The following G6PC2 variants were observed in gnomAD, a reference collection of about 807,000 sequenced individuals.
G6PC2 encodes the protein glucose-6-phosphatase 2.
A neutral mutation model predicts 35.4 loss-of-function variants in G6PC2; 41 were observed. The ratio of observed to expected loss-of-function variants is 1.16; its 90% CI spans 0.90 to 1.50. The LOEUF (loss-of-function observed/expected upper bound fraction) is 1.50. Among genes scored for constraint, G6PC2 ranks in the 40% most tolerant of loss-of-function variants. The pLI is 0.00. For missense variants in G6PC2, 441 were observed against 426.5 expected (o/e 1.03, Z -0.30); for synonymous variants, 165 against 153.2 (o/e 1.08, Z -0.57).
chr2:168,902,899 G>A (rs1690630168), intron 2 of G6PC2: 1 of 320,828 alleles, frequency 3.1e-6, no homozygotes, highest in Non-Finnish European at 5.9e-6. Context: ...TAGAAATGTT[G>A]GTTAATCTGC....
chr2:168,901,644 C>G, intron 1 of G6PC2, 95 bp downstream of exon 1: 1 of 713,656 alleles, frequency 1.4e-6, no homozygotes, highest in East Asian at 2.7e-5. Flanking sequence ...TATCGTTTTA[C>G]TTGGAAAATC....
At position 168,904,557 on chromosome 2, in the gene G6PC2, A is replaced by G; in HGVS notation, c.381A>G (p.Val127=). Residue 127 remains valine (V), a synonymous_variant, in exon 3 of 5, where the codon GTA becomes GTG. Coordinates refer to ENST00000375363, the MANE Select transcript of G6PC2 (RefSeq NM_021176.3). ...MGASCVWYVM[V]TAALSHTVCG... ...CATCCTGTGTCTGGTATGTCATGGT[A>G]ACCGCTGCCCTGAGCCACACTGTCT... 6.2e-7 allele frequency: 1 copy of G among 1,611,678 alleles called. No homozygotes were observed. Among genetic ancestry groups the G allele is most frequent in the Non-Finnish European group, 8.5e-7 (1 of 1,177,784 alleles).
At chr2:168,902,694 C>A in intron 2 of G6PC2, 140 bp downstream of exon 2, 2 of 662,892 alleles carry the variant, frequency 3.0e-6, no homozygotes, top group Non-Finnish European at 5.5e-6. Context: ...TCATAACAAT[C>A]AAAATTACTA....
chr2:168,909,849 A>G lies in G6PC2; in HGVS notation c.*1770A>G, dbSNP rs1201164929. 2 of 152,248 alleles carry G rather than the reference A, an allele frequency of 1.3e-5. No homozygotes were observed. The highest frequency in any genetic ancestry group is 1.9e-4 in the East Asian group (1 of 5,206). 9.4% of individuals were successfully genotyped at this position (152,248 alleles called of 1,614,324 possible). A position where few individuals can be genotyped will look rare whatever the true frequency, so the allele number is the denominator to read the frequency against. Reference sequence around the variant, plus strand: ...TTGTTTAACATGATAGTAGCTGAGGATAACAAACCTCAAAAAATCAAAGTA... The same window carrying G: ...TTGTTTAACATGATAGTAGCTGAGGGTAACAAACCTCAAAAAATCAAAGTA... On this transcript the variant is annotated 3_prime_UTR_variant, in exon 5 of 5. Transcript: ENST00000375363.
At chr2:168,907,504 A>G (rs1690737866) in intron 4 of G6PC2, 64 bp from the exon 5 acceptor site, 2 of 1,467,616 alleles carry the variant, frequency 1.4e-6, no homozygotes, top group Admixed American at 1.7e-5. Context: ...TAATGCAGAG[A>G]GGAATGATCC....
intron 3 of G6PC2, 138 bp from the exon 4 acceptor site, chr2:168,906,526 A>G (rs1167031811): frequency 4.4e-6 from 3 of 679,664 alleles, no homozygotes; most frequent in Non-Finnish European, 8.0e-6. Context: ...AACATTTTGA[A>G]AAAAAAGATT....
At chr2:168,902,040 A>T (rs1293339878) in intron 1 of G6PC2, among the ~76,000 whole-genome samples, 1 of 152,202 alleles carries the variant, frequency 6.6e-6, no homozygotes, top group Non-Finnish European at 1.5e-5. Context: ...CAGGCCAGAA[A>T]TGTGTACTTT....
rs10176348 is a variant in G6PC2 at position 168,909,853 on chromosome 2, C to A, written c.*1774C>A. ...TTAACATGATAGTAGCTGAGGATAA[C>A]AAACCTCAAAAAATCAAAGTATTAA... On this transcript the variant is annotated 3_prime_UTR_variant, in exon 5 of 5. Transcript: ENST00000375363. 6.6e-6 allele frequency: 1 copy of A among 152,100 alleles called. No individual in the cohort carries two copies. Among genetic ancestry groups the A allele is most frequent in the Non-Finnish European group, 1.5e-5 (1 of 67,992 alleles). The allele number at this position is 152,100 out of a possible 1,614,324, so 9.4% of individuals were successfully genotyped here.
rs144077223 is a variant in G6PC2 at position 168,907,710 on chromosome 2, G to A, written c.699G>A (p.Leu233=). The change falls in exon 5 of 5, where the codon CTG becomes CTA. Residue 233 remains leucine (L), a synonymous_variant. Coordinates refer to ENST00000375363, the MANE Select transcript of G6PC2 (RefSeq NM_021176.3). Reference sequence around the variant, plus strand: ...TTAGGGTGCTCAACATTGACCTGCTGTGGTCCGTGCCCATAGCCAAAAAGT... The same window carrying A: ...TTAGGGTGCTCAACATTGACCTGCTATGGTCCGTGCCCATAGCCAAAAAGT... ...LLLRVLNIDL[L]WSVPIAKKWC... is the part of the protein sequence containing the mutation. The A allele has an allele frequency of 1.6e-3, 2,538 of 1,614,102 alleles. 2 individuals are homozygous for A. The highest frequency in any genetic ancestry group is 2.0e-3 in the Non-Finnish European group (2,344 of 1,179,984).
At position 168,907,793 on chromosome 2, in the gene G6PC2, G is replaced by C. The variant is rs748589053; in HGVS notation, c.782G>C (p.Arg261Thr). 7.4e-6 allele frequency: 12 copies of C among 1,614,104 alleles called. No individual in the cohort carries two copies. Among genetic ancestry groups the C allele is most frequent in the Middle Eastern group, 3.3e-4 (2 of 6,062 alleles). ...IDTTPFAGLV[R>T]NLGVLFGLGF... ...ACCACGCCTTTTGCTGGACTCGTGA[G>C]AAACCTTGGGGTCCTCTTTGGCTTG... The change falls in exon 5 of 5, where the codon AGA (arginine) becomes ACA (threonine). Residue 261 changes from arginine to threonine, a missense_variant. Coordinates refer to ENST00000375363, the MANE Select transcript of G6PC2 (RefSeq NM_021176.3).
chr2:168,904,499 T>A lies in G6PC2; in HGVS notation c.329-6T>A, dbSNP rs1292503664. On this transcript the variant is annotated splice_region_variant and splice_polypyrimidine_tract_variant and intron_variant, in intron 2 of 4. Coordinates refer to ENST00000375363, the MANE Select transcript of G6PC2 (RefSeq NM_021176.3). ...TTTCAAATGGACGGACACTTTGTTG[T>A]TGCAGGAAGTCCATCTGGCCATGCA... is the stretch of plus-strand genomic sequence containing the variant. 6.7e-7 allele frequency: 1 copy of A among 1,499,350 alleles called. No individual in the cohort carries two copies. Among genetic ancestry groups the A allele is most frequent in the Admixed American group, 1.7e-5 (1 of 59,878 alleles). 92.9% of individuals were successfully genotyped at this position (1,499,350 alleles called of 1,614,324 possible).
chr2:168,907,469 G>A, intron 4 of G6PC2, 99 bp from the exon 5 acceptor site: 3 of 1,201,418 alleles, frequency 2.5e-6, no homozygotes, highest in Non-Finnish European at 2.5e-6. Context: ...AATGCCCTTT[G>A]TCATTGAAAA....
intron 1 of G6PC2, among the ~76,000 whole-genome samples, chr2:168,901,756 G>A (rs1285327949): frequency 7.2e-6 from 1 of 139,388 alleles, no homozygotes; most frequent in Non-Finnish European, 1.5e-5. Context: ...TTTTTTTTGA[G>A]ACAGAGTTTT....
Position 168,908,193 on chromosome 2 carries a change from C to A in G6PC2, c.*114C>A. On this transcript the variant is annotated 3_prime_UTR_variant, in exon 5 of 5. Coordinates refer to ENST00000375363, the MANE Select transcript of G6PC2 (RefSeq NM_021176.3). Reference sequence around the variant, plus strand: ...CTAATCCGACTTCACAGAATAGCGGCACAGGCCCCATTCCCCATAGAGATG... The same window carrying A: ...CTAATCCGACTTCACAGAATAGCGGAACAGGCCCCATTCCCCATAGAGATG... The A allele has an allele frequency of 1.1e-6, 1 of 871,812 alleles. No individual in the cohort carries two copies. Among genetic ancestry groups the A allele is most frequent in the Non-Finnish European group, 1.9e-6 (1 of 519,116 alleles). The allele number at this position is 871,812 out of a possible 1,614,324, so 54.0% of individuals were successfully genotyped here.
At chr2:168,902,842 A>G in intron 2 of G6PC2, 1 of 428,598 alleles carries the variant, frequency 2.3e-6, no homozygotes, top group South Asian at 2.4e-5. Context: ...TACTAAAACA[A>G]GAAACAGTTA....
rs758946110 is a variant in G6PC2, at chr2:168,901,538, T to C, written c.207T>C (p.Leu69=). 1 of 1,467,430 alleles carries C rather than the reference T, an allele frequency of 6.8e-7. No homozygotes were observed. Among genetic ancestry groups the C allele is most frequent in the Non-Finnish European group, 9.6e-7 (1 of 1,046,836 alleles). The allele number at this position is 1,467,430 out of a possible 1,614,324, so 90.9% of individuals were successfully genotyped here. A position where few individuals can be genotyped will look rare whatever the true frequency, so the allele number is the denominator to read the frequency against. The change falls in exon 1 of 5, where the codon CTT becomes CTC. Residue 69 remains leucine (L), a synonymous_variant. Coordinates refer to ENST00000375363, the MANE Select transcript of G6PC2 (RefSeq NM_021176.3). The part of the protein sequence containing the change: ...WVAVIGDWLN[L]IFKWILFGHR... ...CAGTCATTGGGGATTGGTTAAATCT[T>C]ATATTTAAATGGTAAGATTTCTGTT...
chr2:168,903,595 TTATAA>T (rs1690648138), intron 2 of G6PC2, among the ~76,000 whole-genome samples: 1 of 152,004 alleles, frequency 6.6e-6, no homozygotes, highest in African/African-American at 2.4e-5. Flanking sequence ...GTGTTCCACC[TTATAA>T]GACATTTTCT....
At chr2:168,907,427 G>A (rs1690736504) in intron 4 of G6PC2, 141 bp from the exon 5 acceptor site, 1 of 865,076 alleles carries the variant, frequency 1.2e-6, no homozygotes, top group South Asian at 1.4e-5. Context: ...GCCTAAAAAA[G>A]GCTTTGGAAA....
Position 168,901,480 on chromosome 2 carries a change from A to T in G6PC2, c.149A>T (p.Asn50Ile). The stretch of plus-strand genomic sequence containing the variant: ...TATTTTCCACTTTGTTTTCAATTTA[A>T]TCAGACAGTTGGAACCAAGATGATA... ...FIYFPLCFQFNQTVGTKMIWV... is the reference protein window; with the variant it reads ...FIYFPLCFQFIQTVGTKMIWV... Residue 50 changes from asparagine to isoleucine, a missense_variant, in exon 1 of 5, where the codon AAT (asparagine) becomes ATT (isoleucine). Asn to Ile is a moderately radical substitution (Grantham distance 149). Coordinates refer to ENST00000375363, the MANE Select transcript of G6PC2 (RefSeq NM_021176.3). 1 of 1,601,948 alleles carries T rather than the reference A, an allele frequency of 6.2e-7. No homozygotes were observed. Among genetic ancestry groups the T allele is most frequent in the African/African-American group, 1.3e-5 (1 of 74,774 alleles).
Sources: gnomAD v4.1 joint callset for allele counts (sites outside exome capture counted in the v4.1 genomes callset) on GRCh38, gnomAD v4.1.1 for gene constraint, MANE v1.5 for transcripts, NCBI Gene and HGNC (gene_info 2026-07-23, HGNC 2026-07-21) for gene names.